The following LRRC28 variants were observed in gnomAD, a reference collection of about 807,000 sequenced individuals.
LRRC28 encodes leucine-rich repeat-containing protein 28.
LRRC28 carries 39 observed loss-of-function variants against 45.7 expected under a neutral mutation model. That is an observed-to-expected ratio of 0.85 (90% CI 0.66 to 1.12). The LOEUF (loss-of-function observed/expected upper bound fraction) is 1.12, where lower values mean the gene tolerates loss of function less well. Ranked by LOEUF, LRRC28 falls within the 50% of genes most tolerant of loss-of-function variation. The probability of loss-of-function intolerance (pLI) is 0.00; values close to 1 mark genes in which losing one functional copy is unlikely to be tolerated. For missense variants in LRRC28, 435 were observed against 438.5 expected (o/e 0.99, Z 0.07); for synonymous variants, 206 against 178.8 (o/e 1.15, Z -1.22).
chr15:99,293,259 A>G (rs2082172080), intron 5 of LRRC28, among the ~76,000 whole-genome samples: 2 of 152,118 alleles, frequency 1.3e-5, no homozygotes, highest in Non-Finnish European at 2.9e-5. Context: ...TGTATGCTGT[A>G]AACTCCATTA....
Position 99,343,710 on chromosome 15 carries a change from C to T in LRRC28, c.593-8659C>T, listed in dbSNP as rs1002040220. Reference sequence around the variant, plus strand: ...GCGTGATGTATCTATTGTAAGGTATCGGTGCATTAATAGTAATTAAAGGAA... The same window carrying T: ...GCGTGATGTATCTATTGTAAGGTATTGGTGCATTAATAGTAATTAAAGGAA... On this transcript the variant is annotated intron_variant, in intron 6 of 9. Coordinates refer to ENST00000301981, the MANE Select transcript of LRRC28 (RefSeq NM_144598.5). Among the ~76,000 whole-genome samples the T allele has an allele frequency of 4.6e-5, 7 of 152,182 alleles. No homozygotes were observed. In the South Asian group the frequency reaches 1.0e-3, roughly 23 times the overall value.
chr15:99,253,969 A>G (rs8028374), intron 1 of LRRC28, among the ~76,000 whole-genome samples: 62,921 of 152,120 alleles, frequency 0.41, 13,202 homozygotes, highest in Middle Eastern at 0.61. Context: ...GGGGTGAGCC[A>G]TTTACTGAGA....
At chr15:99,374,813 G>A (rs925898823) in intron 9 of LRRC28, among the ~76,000 whole-genome samples, 10 of 151,298 alleles carry the variant, frequency 6.6e-5, no homozygotes, top group Non-Finnish European at 8.8e-5. Flanking sequence ...GACTACAGGC[G>A]CCCACCACCA....
At chr15:99,325,589 T>C (rs574946340) in intron 5 of LRRC28, among the ~76,000 whole-genome samples, 37 of 152,362 alleles carry the variant, frequency 2.4e-4, no homozygotes, top group African/African-American at 8.2e-4. Context: ...AGGTGTTTTG[T>C]AGATGCCCCT....
chr15:99,322,609 A>G (rs1955838687), intron 5 of LRRC28, among the ~76,000 whole-genome samples: 2 of 152,226 alleles, frequency 1.3e-5, no homozygotes, highest in Admixed American at 1.3e-4. Flanking sequence ...TTTTTAAAAA[A>G]TAAAATAAGT....
At chr15:99,261,040 G>A (rs967369147) in intron 2 of LRRC28, among the ~76,000 whole-genome samples, 1 of 152,136 alleles carries the variant, frequency 6.6e-6, no homozygotes, top group African/African-American at 2.4e-5. Context: ...GAGAAGAGAA[G>A]TTGTCGCTAA....
intron 5 of LRRC28, among the ~76,000 whole-genome samples, chr15:99,306,515 T>C (rs1413820626): frequency 6.6e-6 from 1 of 152,234 alleles, no homozygotes; most frequent in African/African-American, 2.4e-5. Context: ...ATTTCACATT[T>C]TTTGTCAACG....
chr15:99,381,197 A>G (rs940012318), intron 9 of LRRC28, among the ~76,000 whole-genome samples: 1 of 152,130 alleles, frequency 6.6e-6, no homozygotes, highest in Non-Finnish European at 1.5e-5. Flanking sequence ...GTCTTTTCAC[A>G]TAGTCCCATA....
chr15:99,377,306 G>C (rs1373836644), intron 9 of LRRC28, among the ~76,000 whole-genome samples: 3 of 151,928 alleles, frequency 2.0e-5, no homozygotes, highest in Admixed American at 6.5e-5. Context: ...GTGATGATGA[G>C]CATTTTTTCA....
At chr15:99,273,120 G>T (rs1347533270) in intron 2 of LRRC28, among the ~76,000 whole-genome samples, 1 of 152,180 alleles carries the variant, frequency 6.6e-6, no homozygotes. Context: ...TATGGCATTA[G>T]AAAACAGAGA....
At chr15:99,262,465 C>T (rs1184017853) in intron 2 of LRRC28, among the ~76,000 whole-genome samples, 2 of 152,076 alleles carry the variant, frequency 1.3e-5, no homozygotes, top group African/African-American at 2.4e-5. Context: ...GTCTGTAGTC[C>T]CAGCTACTCG....
intron 5 of LRRC28, among the ~76,000 whole-genome samples, chr15:99,300,647 T>G (rs1597284583): frequency 6.6e-6 from 1 of 152,070 alleles, no homozygotes; most frequent in South Asian, 2.1e-4. Context: ...GCCAACATGG[T>G]GAACCCTGCT....
Position 99,255,888 on chromosome 15 carries a change from C to T in LRRC28, c.-60-10C>T, listed in dbSNP as rs2081002729. On this transcript the variant is annotated splice_polypyrimidine_tract_variant and intron_variant, in intron 1 of 9. Transcript: ENST00000301981. ...CTTACAATGAATAAATTTTCTCGTT[C>T]TCTTTATAGAAATGGACCAATTTTG... 1.4e-6 allele frequency: 2 copies of T among 1,464,292 alleles called. No individual in the cohort carries two copies. Among genetic ancestry groups the T allele is most frequent in the Non-Finnish European group, 9.1e-7 (1 of 1,099,706 alleles). 90.7% of individuals were successfully genotyped at this position (1,464,292 alleles called of 1,614,324 possible).
intron 5 of LRRC28, among the ~76,000 whole-genome samples, chr15:99,295,759 G>C (rs927755492): frequency 5.3e-5 from 8 of 152,222 alleles, no homozygotes; most frequent in Non-Finnish European, 8.8e-5. Flanking sequence ...TTAATAGCAT[G>C]AATCTGTTGT....
At chr15:99,378,137 A>G (rs1026137766) in intron 9 of LRRC28, among the ~76,000 whole-genome samples, 1 of 152,188 alleles carries the variant, frequency 6.6e-6, no homozygotes, top group Non-Finnish European at 1.5e-5. Flanking sequence ...CTTGGGCAGT[A>G]TGGCCATTTT....
intron 2 of LRRC28, chr15:99,259,515 C>A: frequency 8.5e-7 from 1 of 1,171,422 alleles, no homozygotes; most frequent in Non-Finnish European, 1.3e-6. Context: ...ATTGAAAAGG[C>A]TATGGTATCT....
intron 2 of LRRC28, among the ~76,000 whole-genome samples, chr15:99,265,400 T>G (rs1378676140): frequency 6.6e-6 from 1 of 152,154 alleles, no homozygotes; most frequent in Non-Finnish European, 1.5e-5. Flanking sequence ...TACCCATTGA[T>G]GTTGACGAAC....
chr15:99,345,557 C>G (rs1423826092), intron 6 of LRRC28, among the ~76,000 whole-genome samples: 1 of 152,004 alleles, frequency 6.6e-6, no homozygotes, highest in Non-Finnish European at 1.5e-5. Flanking sequence ...TTTATGTATA[C>G]CAGAGAAGTA....
At chr15:99,357,272 C>T (rs1308514983) in intron 7 of LRRC28, among the ~76,000 whole-genome samples, 1 of 152,164 alleles carries the variant, frequency 6.6e-6, no homozygotes, top group Non-Finnish European at 1.5e-5. Flanking sequence ...ATAATAGGCC[C>T]AGCTCTGATC....
Sources: gnomAD v4.1 joint callset for allele counts (sites outside exome capture counted in the v4.1 genomes callset) on GRCh38, gnomAD v4.1.1 for gene constraint, MANE v1.5 for transcripts, NCBI Gene and HGNC (gene_info 2026-07-23, HGNC 2026-07-21) for gene names.